The following PEX14 variants were observed in gnomAD, a reference collection of about 807,000 sequenced individuals.
PEX14 encodes the protein peroxisomal membrane protein PEX14.
PEX14 carries 15 observed loss-of-function variants against 49.5 expected under a neutral mutation model. The observed-to-expected ratio is 0.30, with a 90% confidence interval of 0.20 to 0.47. The LOEUF (loss-of-function observed/expected upper bound fraction) is 0.47. Among genes scored for constraint, PEX14 ranks in the 20% least tolerant of loss-of-function variants. The pLI, the probability that PEX14 is intolerant of heterozygous loss-of-function variation, is 1.00. For missense variants in PEX14, 398 were observed against 494.8 expected, an observed-to-expected ratio of 0.80 and a Z score of 1.86; for synonymous variants, 210 against 212.7, an observed-to-expected ratio of 0.99 and a Z score of 0.11.
At chr1:10,475,703 G>A (rs1641183641) in intron 1 of PEX14, among the ~76,000 whole-genome samples, 1 of 152,206 alleles carries the variant, frequency 6.6e-6, no homozygotes. Context: ...CAGCGTTGAC[G>A]CCTGTGCCTC....
At chr1:10,549,503 A>G (rs1449497071) in intron 3 of PEX14, among the ~76,000 whole-genome samples, 2 of 152,196 alleles carry the variant, frequency 1.3e-5, no homozygotes, top group Non-Finnish European at 2.9e-5. Flanking sequence ...GAGCTCCATG[A>G]TGTCCTCTTT....
intron 3 of PEX14, among the ~76,000 whole-genome samples, chr1:10,563,132 G>C (rs976152777): frequency 4.1e-5 from 6 of 145,788 alleles, no homozygotes; most frequent in Non-Finnish European, 6.0e-5. Flanking sequence ...TGGTCAGGCT[G>C]GTCTCGAACT....
chr1:10,526,622 G>T (rs1334081805), intron 2 of PEX14, among the ~76,000 whole-genome samples: 1 of 152,050 alleles, frequency 6.6e-6, no homozygotes, highest in Admixed American at 6.5e-5. Flanking sequence ...CAAATGCTTG[G>T]GACCAAAAGT....
chr1:10,573,233 T>A (rs1255931790), intron 3 of PEX14, among the ~76,000 whole-genome samples: 3 of 152,230 alleles, frequency 2.0e-5, no homozygotes, highest in African/African-American at 7.2e-5. Context: ...TTGTATCTAA[T>A]ATATAGAGAA....
intron 2 of PEX14, among the ~76,000 whole-genome samples, chr1:10,499,779 G>A (rs1313592896): frequency 1.3e-5 from 2 of 152,038 alleles, no homozygotes; most frequent in Non-Finnish European, 2.9e-5. Context: ...ACTGATGACA[G>A]CAATTTCTAC....
At chr1:10,577,720 C>T (rs1640192446) in intron 3 of PEX14, among the ~76,000 whole-genome samples, 2 of 147,662 alleles carry the variant, frequency 1.4e-5, no homozygotes, top group Non-Finnish European at 3.0e-5. Flanking sequence ...CCTGCCTCAG[C>T]CTCCTGAGTA....
chr1:10,613,119 C>T lies in PEX14; in HGVS notation c.299-5213C>T, dbSNP rs1040632242. On this transcript the variant is annotated intron_variant, in intron 4 of 8. Coordinates refer to ENST00000356607, the MANE Select transcript of PEX14 (RefSeq NM_004565.3). This position sits in a 1 kb window ranked among gnomAD's most constrained non-coding sequence, Gnocchi z 5.0. ...ATTGCAGGATTTCCATGGTGTGGAT[C>T]GGTCTGTGACTTGCTCAGCAAGGTT... 2.0e-5 allele frequency among the ~76,000 whole-genome samples: 3 copies of T among 151,962 alleles called. No individual in the cohort carries two copies. Among genetic ancestry groups the T allele is most frequent in the South Asian group, 4.2e-4 (2 of 4,804 alleles).
intron 3 of PEX14, among the ~76,000 whole-genome samples, chr1:10,560,271 G>A (rs962653261): frequency 5.9e-5 from 9 of 152,044 alleles, no homozygotes; most frequent in Non-Finnish European, 1.3e-4. Flanking sequence ...TGGTCAGACT[G>A]GTCTTGAACT....
At chr1:10,483,487 T>G (rs922645814) in intron 1 of PEX14, among the ~76,000 whole-genome samples, 1 of 152,044 alleles carries the variant, frequency 6.6e-6, no homozygotes, top group African/African-American at 2.4e-5. Context: ...TGGCTAACTT[T>G]TTATATTTCA....
At chr1:10,561,303 G>T (rs571863362) in intron 3 of PEX14, among the ~76,000 whole-genome samples, 26 of 152,298 alleles carry the variant, frequency 1.7e-4, no homozygotes, top group African/African-American at 6.3e-4. Context: ...TCAGGGGACA[G>T]TCGGGGCTTG....
chr1:10,481,634 G>A (rs553281735), intron 1 of PEX14, among the ~76,000 whole-genome samples: 54 of 151,938 alleles, frequency 3.6e-4, no homozygotes, highest in Non-Finnish European at 6.8e-4. Context: ...GTCGGGTCTC[G>A]CTGTGTCGCC....
chr1:10,541,938 C>T (rs989576253), intron 3 of PEX14, among the ~76,000 whole-genome samples: 3 of 152,078 alleles, frequency 2.0e-5, no homozygotes, highest in African/African-American at 7.2e-5. Flanking sequence ...GAGGAGTTTG[C>T]GGGGAGGGAA....
intron 4 of PEX14, among the ~76,000 whole-genome samples, chr1:10,611,517 C>G (rs1217067391): frequency 6.6e-6 from 1 of 152,166 alleles, no homozygotes; most frequent in Admixed American, 6.5e-5. Flanking sequence ...AGTGGAATGG[C>G]TTAGTCACAT....
In PEX14 at chr1:10,629,242, C is replaced by T. The variant is rs1044526952; in HGVS notation, c.678-289C>T. Among the ~76,000 whole-genome samples the T allele has an allele frequency of 6.6e-6, 1 of 152,230 alleles. No homozygotes were observed. The highest frequency in any genetic ancestry group is 2.4e-5 in the African/African-American group (1 of 41,474). ...CAGGCTCCCGCATGGCAGGCAGGCC[C>T]CACTTGGCTTCCAGCAGCTGCCCAG... On this transcript the variant is annotated intron_variant, in intron 8 of 8. Coordinates refer to ENST00000356607, the MANE Select transcript of PEX14 (RefSeq NM_004565.3). This position sits in a 1 kb window ranked among gnomAD's most constrained non-coding sequence, Gnocchi z 8.5.
Position 10,494,503 on chromosome 1 carries a change from T to A in PEX14, c.37-771T>A, listed in dbSNP as rs1641522839. On this transcript the variant is annotated intron_variant, in intron 1 of 8. Transcript: ENST00000356607. The surrounding 1 kb of genome is among the most constrained non-coding windows in gnomAD (Gnocchi z 4.3). ...TTCAGAATCTGTCTCTACCTCTGCC[T>A]CTCCCTTTCTCTAAATTTTGGCCAG... is the stretch of plus-strand genomic sequence containing the variant. 6.6e-6 allele frequency among the ~76,000 whole-genome samples: 1 copy of A among 152,184 alleles called. No individual in the cohort carries two copies. Among genetic ancestry groups the A allele is most frequent in the African/African-American group, 2.4e-5 (1 of 41,434 alleles).
At chr1:10,523,825 T>TA (rs59324356) in intron 2 of PEX14, among the ~76,000 whole-genome samples, 5,343 of 132,314 alleles carry the variant, frequency 0.04, 343 homozygotes, top group African/African-American at 0.14. Flanking sequence ...TCCTTTTAGT[T>TA]AAAAAAAAAA....
At chr1:10,498,280 TAAAACAAAACAAAACAAAAC>T (rs70997243) in intron 2 of PEX14, among the ~76,000 whole-genome samples, 1,852 of 150,030 alleles carry the variant, frequency 0.012, 37 homozygotes, top group African/African-American at 0.043. Context: ...GCCCTGTCTC[TAAAACAAAACAAAACAAAAC>T]AAAACAAAAC....
At chr1:10,608,658 G>A (rs1433186439) in intron 4 of PEX14, among the ~76,000 whole-genome samples, 4 of 90,614 alleles carry the variant, frequency 4.4e-5, no homozygotes, top group Admixed American at 2.9e-4. Flanking sequence ...GCGAGACTCC[G>A]TCTCAAAAAA....
rs546359042 is a variant in PEX14, at chr1:10,612,719, T to C, written c.299-5613T>C. Among the ~76,000 whole-genome samples, 14 of 152,350 alleles carry C rather than the reference T, an allele frequency of 9.2e-5. 3 individuals are homozygous for C. The highest frequency in any genetic ancestry group is 3.4e-4 in the African/African-American group (14 of 41,590). On this transcript the variant is annotated intron_variant, in intron 4 of 8. Transcript: ENST00000356607. The stretch of plus-strand genomic sequence containing the variant: ...CAGCCAGGTCCCCGTCTCTCTGCAC[T>C]TGTGCTCTCCACCTCTGTGCTGTAG...
Sources: allele counts gnomAD v4.1 joint callset (sites outside exome capture counted in the v4.1 genomes callset), GRCh38; gene constraint gnomAD v4.1.1; non-coding constraint Gnocchi (gnomAD v3.1); transcripts MANE v1.5; gene names NCBI Gene and HGNC (gene_info 2026-07-23, HGNC 2026-07-21).